Variants in CCSER1 observed in about 807,000 individuals in gnomAD.
The protein encoded by CCSER1 is coiled-coil serine rich protein 1, also known as serine-rich coiled-coil domain-containing protein 1.
CCSER1 carries 41 observed loss-of-function variants against 82.0 expected under a neutral mutation model. That is an observed-to-expected ratio of 0.50 (90% CI 0.39 to 0.65). The LOEUF (loss-of-function observed/expected upper bound fraction) is 0.65. CCSER1 is among the 30% of genes least tolerant of loss of function. The pLI is 0.00. For synonymous variants in CCSER1, 414 were observed against 383.9 expected (o/e 1.08, Z -0.92); for missense variants, 1,119 against 1,064.2 (o/e 1.05, Z -0.72).
chr4:91,119,506 G>A (rs964571140), intron 10 of CCSER1, among the ~76,000 whole-genome samples: 1 of 151,868 alleles, frequency 6.6e-6, no homozygotes, highest in Non-Finnish European at 1.5e-5. Context: ...TCTTTGAGAT[G>A]TTAAAAAGAA....
intron 10 of CCSER1, among the ~76,000 whole-genome samples, chr4:91,284,331 T>C (rs761672513): frequency 5.9e-5 from 9 of 152,114 alleles, no homozygotes; most frequent in Non-Finnish European, 1.2e-4. Flanking sequence ...TAAAGCAAAC[T>C]TGACATTGTA....
rs58814549 is a variant in CCSER1, at chr4:91,189,056, C to T, written c.2217+103062C>T. On this transcript the variant is annotated intron_variant, in intron 10 of 10. Coordinates refer to ENST00000509176, the MANE Select transcript of CCSER1 (RefSeq NM_001145065.2). ...TCTAGGTCTCTGCAAACCTCCCGAA[C>T]GGTATATATAATGATTTTAGACTTA... 7.7e-3 allele frequency among the ~76,000 whole-genome samples: 1,167 copies of T among 152,060 alleles called. 5 individuals are homozygous for T. The highest frequency in any genetic ancestry group is 0.026 in the African/African-American group (1,083 of 41,508).
chr4:90,988,253 T>C (rs1405091170), intron 9 of CCSER1, among the ~76,000 whole-genome samples: 2 of 142,830 alleles, frequency 1.4e-5, no homozygotes, highest in Admixed American at 1.5e-4. Context: ...GAGGATCCCT[T>C]GAGCCAGGAA....
chr4:90,881,321 G>C (rs573697359), intron 8 of CCSER1, among the ~76,000 whole-genome samples: 12 of 151,992 alleles, frequency 7.9e-5, no homozygotes, highest in Non-Finnish European at 1.8e-4. Flanking sequence ...GACAGACAGA[G>C]AGAGAGAGAG....
intron 10 of CCSER1, among the ~76,000 whole-genome samples, chr4:91,282,244 T>C (rs1167779792): frequency 6.6e-6 from 1 of 152,156 alleles, no homozygotes; most frequent in Non-Finnish European, 1.5e-5. Context: ...AAATCATGAA[T>C]TATACAGGTG....
At chr4:91,402,611 A>G (rs543299271) in intron 10 of CCSER1, among the ~76,000 whole-genome samples, 6 of 152,294 alleles carry the variant, frequency 3.9e-5, no homozygotes, top group Admixed American at 2.0e-4. Flanking sequence ...CTTTCTACAT[A>G]TGGCTAGCCA....
intron 10 of CCSER1, among the ~76,000 whole-genome samples, chr4:91,274,615 A>G (rs1036088405): frequency 3.7e-4 from 56 of 152,292 alleles, no homozygotes; most frequent in African/African-American, 1.2e-3. Flanking sequence ...TTCACCTGAA[A>G]TAATGACCTC....
chr4:90,605,305 A>G (rs1784553001), intron 5 of CCSER1, among the ~76,000 whole-genome samples: 1 of 152,200 alleles, frequency 6.6e-6, no homozygotes, highest in African/African-American at 2.4e-5. Flanking sequence ...ACACATCGGG[A>G]TTGGCACATG....
chr4:90,175,467 T>C (rs1732489088), intron 1 of CCSER1, among the ~76,000 whole-genome samples: 1 of 151,936 alleles, frequency 6.6e-6, no homozygotes, highest in Admixed American at 6.6e-5. Flanking sequence ...CACAGGTGCC[T>C]ATACAGATTG....
chr4:91,385,149 T>C (rs1017218855), intron 10 of CCSER1, among the ~76,000 whole-genome samples: 32 of 152,086 alleles, frequency 2.1e-4, no homozygotes, highest in African/African-American at 7.7e-4. Context: ...AAATGATTTA[T>C]AGTTGTAAAA....
At chr4:90,317,329 C>T (rs965537626) in intron 3 of CCSER1, among the ~76,000 whole-genome samples, 2 of 152,106 alleles carry the variant, frequency 1.3e-5, no homozygotes, top group African/African-American at 4.8e-5. Context: ...ATAAAAAATA[C>T]CGCTGGGCGT....
chr4:90,986,798 A>T (rs1736613527), intron 9 of CCSER1, among the ~76,000 whole-genome samples: 3 of 151,740 alleles, frequency 2.0e-5, no homozygotes, highest in Admixed American at 2.0e-4. Flanking sequence ...TTATATTTAC[A>T]ATTTCGATAT....
In CCSER1 at chr4:90,726,752, G is replaced by A. The variant is rs144646047; in HGVS notation, c.2010+2761G>A. Among the ~76,000 whole-genome samples, 24 of 152,178 alleles carry A rather than the reference G, an allele frequency of 1.6e-4. No individual in the cohort carries two copies. The East Asian group carries it at 4.2e-3, about 27-fold the overall frequency. On this transcript the variant is annotated intron_variant, in intron 7 of 10. Transcript: ENST00000509176. ...TAGAGTGGTTTGATTGGTGTAGCTAGCCTTTCAAAACTGAGGACATTTCAC... is the reference window on the plus strand; with the variant it reads ...TAGAGTGGTTTGATTGGTGTAGCTAACCTTTCAAAACTGAGGACATTTCAC...
chr4:90,770,969 T>G (rs1752053624), intron 7 of CCSER1, among the ~76,000 whole-genome samples: 1 of 152,178 alleles, frequency 6.6e-6, no homozygotes, highest in African/African-American at 2.4e-5. Context: ...ATTTTTAATT[T>G]GTTTCACAAG....
intron 10 of CCSER1, among the ~76,000 whole-genome samples, chr4:91,462,752 C>T (rs1050341808): frequency 4.6e-5 from 7 of 152,126 alleles, no homozygotes; most frequent in African/African-American, 7.2e-5. Context: ...CACGGAGCCT[C>T]GCTCATTGCT....
At chr4:90,430,573 T>C (rs762175319) in intron 4 of CCSER1, among the ~76,000 whole-genome samples, 1 of 151,912 alleles carries the variant, frequency 6.6e-6, no homozygotes, top group African/African-American at 2.4e-5. Context: ...AATGTTTAAA[T>C]ATTTTAGCAG....
At chr4:90,709,020 T>G (rs922553450) in intron 6 of CCSER1, among the ~76,000 whole-genome samples, 2 of 152,148 alleles carry the variant, frequency 1.3e-5, no homozygotes, top group Non-Finnish European at 2.9e-5. Flanking sequence ...TAAAGAAATA[T>G]TCACATATCT....
chr4:90,571,732 C>T (rs1780139812), intron 5 of CCSER1, among the ~76,000 whole-genome samples: 1 of 151,944 alleles, frequency 6.6e-6, no homozygotes, highest in Non-Finnish European at 1.5e-5. Context: ...GTACATGTAC[C>T]ACCTGAATTT....
chr4:90,404,824 A>T (rs1343107616), intron 4 of CCSER1, among the ~76,000 whole-genome samples: 1 of 152,200 alleles, frequency 6.6e-6, no homozygotes, highest in Non-Finnish European at 1.5e-5. Flanking sequence ...AGAGTACCAC[A>T]TCAAGGGAGC....
Sources: allele counts gnomAD v4.1 joint callset (sites outside exome capture counted in the v4.1 genomes callset), GRCh38; gene constraint gnomAD v4.1.1; transcripts MANE v1.5; gene names NCBI Gene and HGNC (gene_info 2026-07-23, HGNC 2026-07-21).